Variants in TBC1D9 observed in about 807,000 individuals in gnomAD.
TBC1D9 encodes TBC1 domain family member 9A.
Under a neutral mutation model 132.0 loss-of-function variants are expected in TBC1D9, and 63 were observed. The observed-to-expected ratio is 0.48, with a 90% CI of 0.39 to 0.59. The LOEUF (loss-of-function observed/expected upper bound fraction) is 0.59. Ranked by LOEUF, TBC1D9 falls within the 20% of genes least tolerant of loss-of-function variation. The pLI is 0.00. For missense variants in TBC1D9, 1,261 were observed against 1,592.7 expected (o/e 0.79, Z 3.54); for synonymous variants, 610 against 609.9 (o/e 1.00, Z 0.00).
At chr4:140,661,177 G>C (rs887955926) in intron 10 of TBC1D9, among the ~76,000 whole-genome samples, 9 of 152,196 alleles carry the variant, frequency 5.9e-5, no homozygotes, top group African/African-American at 2.2e-4. Context: ...GCTTACCAAA[G>C]TGTTGGGATT....
chr4:140,635,709 G>A (rs1004021338), intron 15 of TBC1D9, among the ~76,000 whole-genome samples: 1 of 152,190 alleles, frequency 6.6e-6, no homozygotes, highest in African/African-American at 2.4e-5. Flanking sequence ...GAGGAGGAAG[G>A]AGAGGTGGTG....
chr4:140,687,384 A>G (rs1387465976), intron 2 of TBC1D9, among the ~76,000 whole-genome samples: 2 of 68,868 alleles, frequency 2.9e-5, no homozygotes, highest in African/African-American at 1.5e-4. Context: ...ATATATATAT[A>G]TATATATATA....
intron 1 of TBC1D9, among the ~76,000 whole-genome samples, chr4:140,743,049 A>C (rs921455326): frequency 1.3e-5 from 2 of 152,030 alleles, no homozygotes; most frequent in African/African-American, 4.8e-5. Flanking sequence ...GAAAGGAAGG[A>C]GGGAAGGACA....
chr4:140,755,824 C>A (rs957339718), intron 1 of TBC1D9, 92 bp downstream of exon 1: 29 of 1,372,246 alleles, frequency 2.1e-5, no homozygotes, highest in Admixed American at 4.0e-5. Flanking sequence ...CCCAGGGGAC[C>A]GGGCGGCGTC....
intron 4 of TBC1D9, 55 bp downstream of exon 4, chr4:140,679,560 G>A: frequency 7.5e-7 from 1 of 1,326,738 alleles, no homozygotes. Flanking sequence ...TATGAGTTCA[G>A]GGCAAACCTC....
chr4:140,692,227 C>T (rs1353160533), intron 2 of TBC1D9, among the ~76,000 whole-genome samples: 1 of 152,086 alleles, frequency 6.6e-6, no homozygotes, highest in Non-Finnish European at 1.5e-5. Context: ...AACAAAAACC[C>T]AATAAGCCTC....
intron 11 of TBC1D9, 41 bp from the exon 12 acceptor site, chr4:140,657,853 C>T (rs2110997201): frequency 6.3e-7 from 1 of 1,575,134 alleles, no homozygotes; most frequent in South Asian, 1.2e-5. Flanking sequence ...GCTTAGCCAA[C>T]TACACAGTGT....
At chr4:140,712,639 G>C (rs868120422) in intron 1 of TBC1D9, among the ~76,000 whole-genome samples, 1 of 151,084 alleles carries the variant, frequency 6.6e-6, no homozygotes, top group African/African-American at 2.4e-5. Flanking sequence ...CTACTCAGGA[G>C]GCTGAGGCAG....
chr4:140,670,225 A>T (rs1578833452), intron 7 of TBC1D9, among the ~76,000 whole-genome samples: 1 of 152,326 alleles, frequency 6.6e-6, no homozygotes, highest in Middle Eastern at 3.4e-3. Context: ...GTGTGAGCTT[A>T]CCACCTTCGA....
At chr4:140,727,621 C>T (rs1403656826) in intron 1 of TBC1D9, among the ~76,000 whole-genome samples, 4 of 152,212 alleles carry the variant, frequency 2.6e-5, no homozygotes, top group Non-Finnish European at 5.9e-5. Context: ...TATTAAAAAT[C>T]TATTGTTCTG....
intron 9 of TBC1D9, among the ~76,000 whole-genome samples, chr4:140,664,240 C>T (rs1433709233): frequency 6.6e-6 from 1 of 151,906 alleles, no homozygotes; most frequent in Non-Finnish European, 1.5e-5. Flanking sequence ...TTCATGAAGG[C>T]TGCAGGATAC....
intron 9 of TBC1D9, among the ~76,000 whole-genome samples, chr4:140,663,705 A>T (rs1453183342): frequency 6.6e-6 from 1 of 152,188 alleles, no homozygotes; most frequent in African/African-American, 2.4e-5. Context: ...TACTATATTC[A>T]GCCTATAAGA....
At chr4:140,669,986 G>A (rs1737510680) in intron 7 of TBC1D9, among the ~76,000 whole-genome samples, 182 bp from the exon 8 acceptor site, 1 of 152,182 alleles carries the variant, frequency 6.6e-6, no homozygotes, top group Admixed American at 6.5e-5. Context: ...CAGGTGGCTG[G>A]GTCCCAGGCC....
intron 1 of TBC1D9, among the ~76,000 whole-genome samples, chr4:140,735,883 G>C (rs1463496572): frequency 2.6e-5 from 4 of 152,146 alleles, no homozygotes; most frequent in African/African-American, 9.7e-5. Flanking sequence ...TAGACAACCA[G>C]AGTGTTTACT....
At chr4:140,718,667 C>T (rs186562019) in intron 1 of TBC1D9, among the ~76,000 whole-genome samples, 8 of 152,252 alleles carry the variant, frequency 5.3e-5, no homozygotes, top group East Asian at 3.9e-4. Flanking sequence ...AACTTAAATC[C>T]GAAAGAGCAC....
intron 1 of TBC1D9, among the ~76,000 whole-genome samples, chr4:140,710,679 C>T (rs1429495424): frequency 1.3e-5 from 2 of 152,154 alleles, no homozygotes; most frequent in Non-Finnish European, 2.9e-5. Flanking sequence ...AAGTCACAAG[C>T]ACCTGCTCCT....
chr4:140,662,221 C>A, intron 9 of TBC1D9, 114 bp from the exon 10 acceptor site: 1 of 892,090 alleles, frequency 1.1e-6, no homozygotes, highest in South Asian at 1.4e-5. Flanking sequence ...AGGAAACTTG[C>A]AAGAGAAGGT....
intron 15 of TBC1D9, among the ~76,000 whole-genome samples, chr4:140,635,566 G>C (rs190436866): frequency 3.8e-4 from 58 of 152,330 alleles, no homozygotes; most frequent in African/African-American, 1.4e-3. Flanking sequence ...AAAGAGGAGA[G>C]TCAATTGTGA....
At chr4:140,657,265 C>T (rs1173635882) in intron 12 of TBC1D9, 39 bp from the exon 13 acceptor site, 2 of 1,601,578 alleles carry the variant, frequency 1.2e-6, no homozygotes, top group South Asian at 1.1e-5. Flanking sequence ...GGAGAAGAAA[C>T]TGGAATCCTC....
Sources: allele counts gnomAD v4.1 joint callset (sites outside exome capture counted in the v4.1 genomes callset), GRCh38; gene constraint gnomAD v4.1.1; transcripts MANE v1.5; gene names NCBI Gene and HGNC (gene_info 2026-07-23, HGNC 2026-07-21).